The following RAI14 variants were observed in gnomAD, a reference collection of about 807,000 sequenced individuals.
RAI14 encodes ankycorbin.
RAI14 carries 45 observed loss-of-function variants against 115.4 expected under a neutral mutation model. The observed-to-expected ratio is 0.39, with a 90% CI of 0.31 to 0.50. The LOEUF (loss-of-function observed/expected upper bound fraction) is 0.50. RAI14 is among the 20% of genes least tolerant of loss of function. The pLI is 0.85. For missense variants in RAI14, 939 were observed against 1,131.2 expected (o/e 0.83, Z 2.44); for synonymous variants, 371 against 415.4 (o/e 0.89, Z 1.30).
At chr5:34,780,464 A>G (rs1315172043) in intron 3 of RAI14, among the ~76,000 whole-genome samples, 2 of 152,226 alleles carry the variant, frequency 1.3e-5, no homozygotes, top group Admixed American at 6.5e-5. Context: ...AATTTTTGCA[A>G]TGTACTCATC....
rs1561309335 is a variant in RAI14 at position 34,750,847 on chromosome 5, C to CTTTTTTTT, written c.37-6621_37-6620insTTTTTTTT. Among the ~76,000 whole-genome samples, 365 of 62,280 alleles carry CTTTTTTTT rather than the reference C, an allele frequency of 5.9e-3. 3 individuals carry two copies. The highest frequency in any genetic ancestry group is 0.026 in the African/African-American group (340 of 13,108). 40.9% of individuals were successfully genotyped at this position (62,280 alleles called of 152,430 possible). A position where few individuals can be genotyped will look rare whatever the true frequency, so the allele number is the denominator to read the frequency against. On this transcript the variant is annotated intron_variant, in intron 2 of 17. Transcript: ENST00000265109. The stretch of plus-strand genomic sequence containing the variant: ...TGACCTTATCCTTACTTTGCTTTAT[C>CTTTTTTTT]ATTTTTTTTTTTTTTTTTTTTTGAG...
In RAI14 at chr5:34,824,506, A is replaced by T; in HGVS notation, c.2649+15A>T. 6 of 1,539,740 alleles carry T rather than the reference A, an allele frequency of 3.9e-6. No individual in the cohort carries two copies. Among genetic ancestry groups the T allele is most frequent in the Non-Finnish European group, 5.2e-6 (6 of 1,145,556 alleles). On this transcript the variant is annotated intron_variant, in intron 15 of 17. Transcript: ENST00000265109. ...AAGATAAAAAGGTTGGTGAAACTGT[A>T]TTGCTGTTGGGTTTCTAGCAATAAG...
chr5:34,770,221 C>T (rs182325106), intron 3 of RAI14, among the ~76,000 whole-genome samples: 162 of 152,302 alleles, frequency 1.1e-3, no homozygotes, highest in African/African-American at 3.6e-3. Context: ...AGAACCACTG[C>T]ACGACACTGT....
chr5:34,811,106 A>G lies in RAI14; in HGVS notation c.545A>G (p.Asn182Ser), dbSNP rs776511092. 5.6e-6 allele frequency: 9 copies of G among 1,614,114 alleles called. No homozygotes were observed. Among genetic ancestry groups the G allele is most frequent in the Non-Finnish European group, 6.8e-6 (8 of 1,180,018 alleles). The change falls in exon 8 of 18, where the codon AAC becomes AGC. Residue 182 changes from asparagine to serine, a missense_variant. Physicochemically the swap from Asn to Ser is conservative, Grantham distance 46. Coordinates refer to ENST00000265109, the MANE Select transcript of RAI14 (RefSeq NM_015577.3). ...LDHGADVNSR[N>S]KSGRTALMLA... is the part of the protein sequence containing the mutation. ...CATGGAGCAGATGTCAATTCCAGGA[A>G]CAAAAGTGGAAGGTACTCCAGAATT...
At chr5:34,725,154 A>G (rs540723666) in intron 2 of RAI14, among the ~76,000 whole-genome samples, 1 of 152,302 alleles carries the variant, frequency 6.6e-6, no homozygotes, top group Admixed American at 6.5e-5. Flanking sequence ...AAACTAGGTG[A>G]CAGGGTTTCC....
chr5:34,794,978 A>G (rs7731128), intron 3 of RAI14, among the ~76,000 whole-genome samples: 9,460 of 152,200 alleles, frequency 0.062, 754 homozygotes, highest in African/African-American at 0.19. Flanking sequence ...CTAAAACAGG[A>G]CTGACTCAGG....
chr5:34,766,489 T>A (rs988927606), intron 3 of RAI14, among the ~76,000 whole-genome samples: 1 of 152,202 alleles, frequency 6.6e-6, no homozygotes, highest in Non-Finnish European at 1.5e-5. Flanking sequence ...GATTTCAGAC[T>A]TGTGTGGGCC....
intron 14 of RAI14, among the ~76,000 whole-genome samples, chr5:34,822,250 G>GTATGTATATA (rs1554012471): frequency 2.2e-4 from 29 of 134,742 alleles, no homozygotes; most frequent in African/African-American, 7.6e-4. Context: ...ATGTGTGTAT[G>GTATGTATATA]TATATATATA....
At chr5:34,778,754 A>T (rs1179631944) in intron 3 of RAI14, among the ~76,000 whole-genome samples, 6 of 136,094 alleles carry the variant, frequency 4.4e-5, no homozygotes, top group South Asian at 2.2e-4. Context: ...TTTTTTTTTT[A>T]AAGAAAGGAA....
chr5:34,802,444 A>G (rs889196977), intron 4 of RAI14, among the ~76,000 whole-genome samples: 4 of 152,164 alleles, frequency 2.6e-5, no homozygotes, highest in Non-Finnish European at 5.9e-5. Flanking sequence ...TGGGAAATCC[A>G]GGATTAAGAG....
Position 34,761,257 on chromosome 5 carries a change from G to A in RAI14, c.167+3659G>A, listed in dbSNP as rs76004315. ...GCTGGAATGCAGTGGTGCAGTCACC[G>A]CTCACTGTAGCCTCAACCTCACAGG... On this transcript the variant is annotated intron_variant, in intron 3 of 17. Coordinates refer to ENST00000265109, the MANE Select transcript of RAI14 (RefSeq NM_015577.3). 1.4e-4 allele frequency among the ~76,000 whole-genome samples: 22 copies of A among 152,242 alleles called. No individual in the cohort carries two copies. In the East Asian group the frequency reaches 3.5e-3, roughly 24 times the overall value.
At chr5:34,742,039 G>A (rs1745580805) in intron 2 of RAI14, among the ~76,000 whole-genome samples, 1 of 152,154 alleles carries the variant, frequency 6.6e-6, no homozygotes, top group South Asian at 2.1e-4. Flanking sequence ...TAAGAGGATT[G>A]GCCATAGGGA....
At position 34,811,087 on chromosome 5, in the gene RAI14, G is replaced by T. The variant is rs779983194; in HGVS notation, c.526G>T (p.Ala176Ser). The T allele has an allele frequency of 1.9e-6, 3 of 1,613,966 alleles. No individual in the cohort carries two copies. Among genetic ancestry groups the T allele is most frequent in the African/African-American group, 1.3e-5 (1 of 74,896 alleles). Reference sequence around the variant, plus strand: ...CTGTCACTTTCTCCTGGATCATGGAGCAGATGTCAATTCCAGGAACAAAAG... The same window carrying T: ...CTGTCACTTTCTCCTGGATCATGGATCAGATGTCAATTCCAGGAACAAAAG... Reference protein sequence around the residue: ...EICHFLLDHGADVNSRNKSGR... With the variant: ...EICHFLLDHGSDVNSRNKSGR... Residue 176 changes from alanine (A) to serine (S), a missense_variant, in exon 8 of 18, where the codon GCA (alanine) becomes TCA (serine). Transcript: ENST00000265109.
chr5:34,788,395 C>G (rs886731759), intron 3 of RAI14, among the ~76,000 whole-genome samples: 2 of 152,086 alleles, frequency 1.3e-5, no homozygotes, highest in Non-Finnish European at 1.5e-5. Context: ...GCCAAATGTT[C>G]CAAGGATGGG....
At chr5:34,714,248 T>C (rs1326098398) in intron 2 of RAI14, among the ~76,000 whole-genome samples, 1 of 152,244 alleles carries the variant, frequency 6.6e-6, no homozygotes, top group Non-Finnish European at 1.5e-5. Context: ...ATTAATGTCA[T>C]TTTAGACTTC....
At chr5:34,828,002 T>A (rs1178915968) in intron 16 of RAI14, among the ~76,000 whole-genome samples, 1 of 152,208 alleles carries the variant, frequency 6.6e-6, no homozygotes, top group African/African-American at 2.4e-5. Context: ...GAATATGTTG[T>A]TACTTAGCAA....
intron 6 of RAI14, among the ~76,000 whole-genome samples, chr5:34,808,358 A>G (rs1322410896): frequency 6.6e-6 from 1 of 152,246 alleles, no homozygotes; most frequent in African/African-American, 2.4e-5. Context: ...TATTTGCCTA[A>G]AGGCAACTGG....
chr5:34,687,631 G>C, intron 2 of RAI14: 1 of 1,549,172 alleles, frequency 6.5e-7, no homozygotes, highest in Non-Finnish European at 8.7e-7. Flanking sequence ...ACCCTTCTAT[G>C]ATCCCAGTCT....
chr5:34,746,973 T>C (rs1412744739), intron 2 of RAI14, among the ~76,000 whole-genome samples: 1 of 152,180 alleles, frequency 6.6e-6, no homozygotes, highest in African/African-American at 2.4e-5. Flanking sequence ...TTCTTCCTCA[T>C]TTTTCTCTTC....
Sources: gnomAD v4.1 joint callset for allele counts (sites outside exome capture counted in the v4.1 genomes callset) on GRCh38, gnomAD v4.1.1 for gene constraint, MANE v1.5 for transcripts, NCBI Gene and HGNC (gene_info 2026-07-23, HGNC 2026-07-21) for gene names.